The following SORCS3 variants were observed in gnomAD, a reference collection of about 807,000 sequenced individuals.
SORCS3 encodes sortilin related VPS10 domain containing receptor 3.
Under a neutral mutation model 146.3 loss-of-function variants are expected in SORCS3, and 57 were observed. The observed-to-expected ratio is 0.39, with a 90% confidence interval of 0.31 to 0.49. The LOEUF is 0.49. Ranked by LOEUF, SORCS3 falls within the 20% of genes least tolerant of loss-of-function variation. The pLI is 0.92. For missense variants in SORCS3, 1,341 were observed against 1,575.5 expected (o/e 0.85, Z 2.52); for synonymous variants, 653 against 618.5 (o/e 1.06, Z -0.83).
At chr10:104,834,941 G>A (rs2018048968) in intron 1 of SORCS3, among the ~76,000 whole-genome samples, 1 of 151,920 alleles carries the variant, frequency 6.6e-6, no homozygotes, top group South Asian at 2.1e-4. Flanking sequence ...GAGCCACAGA[G>A]TTGGTAATGC....
At chr10:104,688,173 C>T (rs967635166) in intron 1 of SORCS3, among the ~76,000 whole-genome samples, 4 of 152,228 alleles carry the variant, frequency 2.6e-5, no homozygotes, top group Non-Finnish European at 5.9e-5. Flanking sequence ...TGGATTGCCT[C>T]CTCCGTCTTG....
chr10:104,645,331 T>A (rs1344443644), intron 1 of SORCS3, among the ~76,000 whole-genome samples: 1 of 152,162 alleles, frequency 6.6e-6, no homozygotes, highest in African/African-American at 2.4e-5. Flanking sequence ...AACACATTAT[T>A]CTGTCCTTTT....
Position 104,696,288 on chromosome 10 carries a change from T to C in SORCS3, c.627+54334T>C, listed in dbSNP as rs183844149. 3.1e-4 allele frequency among the ~76,000 whole-genome samples: 36 copies of C among 114,430 alleles called. 13 individuals are homozygous for C. Among genetic ancestry groups the C allele is most frequent in the East Asian group, 1.8e-3 (7 of 3,956 alleles). The allele number at this position is 114,430 out of a possible 152,430, so 75.1% of individuals were successfully genotyped here. A position where few individuals can be genotyped will look rare whatever the true frequency, so the allele number is the denominator to read the frequency against. The stretch of plus-strand genomic sequence containing the variant: ...TCATATACACATATGATATATGATA[T>C]ATATCATATACACATATGATATATG... On this transcript the variant is annotated intron_variant, in intron 1 of 26. Transcript: ENST00000369701.
chr10:105,242,412 A>ATATATATTTATATATT (rs1457146559), intron 20 of SORCS3, among the ~76,000 whole-genome samples: 1 of 99,350 alleles, frequency 1.0e-5, no homozygotes, highest in Non-Finnish European at 1.8e-5. Context: ...ACATATATTT[A>ATATATATTTATATATT]TATATATTTA....
At chr10:104,967,012 G>T (rs1459859984) in intron 3 of SORCS3, among the ~76,000 whole-genome samples, 1 of 147,080 alleles carries the variant, frequency 6.8e-6, no homozygotes, top group Middle Eastern at 3.6e-3. Context: ...AATCTCTAAA[G>T]ATTACCAACT....
At chr10:105,024,454 G>T (rs1167737915) in intron 4 of SORCS3, among the ~76,000 whole-genome samples, 1 of 152,140 alleles carries the variant, frequency 6.6e-6, no homozygotes, top group Non-Finnish European at 1.5e-5. Flanking sequence ...CATCTGTCAG[G>T]GTTATTAGTT....
At chr10:104,792,934 A>G (rs2133501387) in intron 1 of SORCS3, among the ~76,000 whole-genome samples, 1 of 152,270 alleles carries the variant, frequency 6.6e-6, no homozygotes, top group Middle Eastern at 3.4e-3. Context: ...TCCCAAGTTT[A>G]TCCCTTGATA....
chr10:104,888,485 A>G (rs1330068838), intron 2 of SORCS3, among the ~76,000 whole-genome samples: 3 of 152,224 alleles, frequency 2.0e-5, no homozygotes, highest in African/African-American at 7.2e-5. Context: ...TACATGTGCT[A>G]CCAATGCAAA....
At chr10:105,049,686 G>A (rs1182262715) in intron 5 of SORCS3, among the ~76,000 whole-genome samples, 1 of 152,022 alleles carries the variant, frequency 6.6e-6, no homozygotes, top group Admixed American at 6.6e-5. Flanking sequence ...TGGAGCTAGA[G>A]GCCATAATTC....
At chr10:105,218,462 A>G (rs1369697023) in intron 19 of SORCS3, among the ~76,000 whole-genome samples, 2 of 152,238 alleles carry the variant, frequency 1.3e-5, no homozygotes, top group Non-Finnish European at 2.9e-5. Context: ...CTCCTCTTAC[A>G]GAGTTTCCAT....
intron 5 of SORCS3, among the ~76,000 whole-genome samples, chr10:105,046,030 A>G (rs2055369567): frequency 6.6e-6 from 1 of 151,814 alleles, no homozygotes; most frequent in East Asian, 1.9e-4. Flanking sequence ...CATAATTCTT[A>G]TAATTCTTAT....
At chr10:104,776,472 A>T (rs1037240053) in intron 1 of SORCS3, among the ~76,000 whole-genome samples, 1 of 152,166 alleles carries the variant, frequency 6.6e-6, no homozygotes, top group African/African-American at 2.4e-5. Flanking sequence ...CAAGACATTT[A>T]TGCTTAATAT....
chr10:105,228,132 C>T (rs1006435094), intron 20 of SORCS3, among the ~76,000 whole-genome samples: 1 of 151,780 alleles, frequency 6.6e-6, no homozygotes, highest in Non-Finnish European at 1.5e-5. Flanking sequence ...CTATTTCTAT[C>T]ATTTCATTAA....
intron 17 of SORCS3, among the ~76,000 whole-genome samples, chr10:105,211,767 G>A (rs983410676): frequency 6.6e-6 from 1 of 152,122 alleles, no homozygotes; most frequent in Admixed American, 6.5e-5. Flanking sequence ...TTACTCTTTC[G>A]CATGCTTGAA....
chr10:105,198,520 T>C (rs1216770951), intron 14 of SORCS3, among the ~76,000 whole-genome samples: 1 of 152,192 alleles, frequency 6.6e-6, no homozygotes, highest in East Asian at 1.9e-4. Context: ...CTGACCGCTA[T>C]GTAAAATGAA....
intron 2 of SORCS3, among the ~76,000 whole-genome samples, chr10:104,879,883 G>A (rs2133574605): frequency 6.6e-6 from 1 of 152,298 alleles, no homozygotes; most frequent in African/African-American, 2.4e-5. Context: ...GAATCAATGG[G>A]TGGCAATAGC....
chr10:104,840,626 G>A (rs899995993), intron 1 of SORCS3, among the ~76,000 whole-genome samples: 1 of 152,214 alleles, frequency 6.6e-6, no homozygotes, highest in Non-Finnish European at 1.5e-5. Context: ...AATGATGGAA[G>A]GAGGGAGGGA....
At chr10:104,951,781 A>G (rs2019433237) in intron 3 of SORCS3, among the ~76,000 whole-genome samples, 1 of 152,174 alleles carries the variant, frequency 6.6e-6, no homozygotes, top group Non-Finnish European at 1.5e-5. Flanking sequence ...GAAGTCTTTT[A>G]TAGAGAAGTC....
At chr10:104,798,221 G>T (rs1004446872) in intron 1 of SORCS3, among the ~76,000 whole-genome samples, 2 of 152,160 alleles carry the variant, frequency 1.3e-5, no homozygotes, top group Non-Finnish European at 2.9e-5. Flanking sequence ...GGGTGCCTGG[G>T]TGGTGGTAGG....
Sources: gnomAD v4.1 joint callset for allele counts (sites outside exome capture counted in the v4.1 genomes callset) on GRCh38, gnomAD v4.1.1 for gene constraint, MANE v1.5 for transcripts, NCBI Gene and HGNC (gene_info 2026-07-23, HGNC 2026-07-21) for gene names.